Variants in KLC3 observed in about 807,000 individuals in gnomAD.
KLC3 encodes kinesin light chain 3, also known as kinesin light chain 2.
In KLC3, 72 loss-of-function variants were observed where a neutral mutation model predicts 62.9. The ratio of observed to expected loss-of-function variants is 1.15; its 90% confidence interval spans 0.95 to 1.39. The LOEUF (loss-of-function observed/expected upper bound fraction) is 1.39. Ranked by LOEUF, KLC3 falls within the 40% of genes most tolerant of loss-of-function variation. KLC3 has a pLI of 0.00. For synonymous variants in KLC3, 377 were observed against 300.5 expected, an observed-to-expected ratio of 1.25 and a Z score of -2.63; for missense variants, 848 against 691.6, an observed-to-expected ratio of 1.23 and a Z score of -2.54.
In KLC3 at chr19:45,345,311, C is replaced by T. The variant is rs140903562; in HGVS notation, c.-8-223C>T. 1.9e-3 allele frequency: 1,216 copies of T among 631,004 alleles called. 13 individuals are homozygous for T. The highest frequency in any genetic ancestry group is 9.2e-4 in the Non-Finnish European group (328 of 356,944). 39.1% of individuals were successfully genotyped at this position (631,004 alleles called of 1,614,324 possible). On this transcript the variant is annotated intron_variant, in intron 1 of 12. Coordinates refer to ENST00000391946, the MANE Select transcript of KLC3 (RefSeq NM_177417.3). ...CAGAACCCTGGGTTGGGAGGACAGA[C>T]GAAGGTAGACAAGACTGTTCCAGAT...
chr19:45,349,729 C>T, intron 8 of KLC3, 127 bp downstream of exon 8: 1 of 927,400 alleles, frequency 1.1e-6, no homozygotes, highest in Non-Finnish European at 1.6e-6. Flanking sequence ...GCCCTTGGAG[C>T]AAGTGTCAGA....
Position 45,350,328 on chromosome 19 carries a change from C to G in KLC3, c.1144-13C>G, listed in dbSNP as rs1386879760. The stretch of plus-strand genomic sequence containing the variant: ...GGGGTCCGAAAAGTTCCCAGACACT[C>G]CCTTCTCCGCAGGCCTCAGCCTACC... On this transcript the variant is annotated splice_polypyrimidine_tract_variant and intron_variant, in intron 8 of 12. Transcript: ENST00000391946. 8 of 1,611,768 alleles carry G rather than the reference C, an allele frequency of 5.0e-6. No individual in the cohort carries two copies. The highest frequency in any genetic ancestry group is 6.8e-6 in the Non-Finnish European group (8 of 1,179,092).
chr19:45,346,244 T>C (rs1971488033), intron 2 of KLC3, among the ~76,000 whole-genome samples: 1 of 151,862 alleles, frequency 6.6e-6, no homozygotes, highest in South Asian at 2.1e-4. Flanking sequence ...AAGGGGAGGC[T>C]CCAGGTCAGA....
intron 1 of KLC3, among the ~76,000 whole-genome samples, chr19:45,342,370 T>A (rs1429593095): frequency 2.6e-5 from 4 of 152,026 alleles, no homozygotes; most frequent in African/African-American, 7.3e-5. Context: ...GGGGATTGCT[T>A]GAACCCAGGA....
intron 1 of KLC3, among the ~76,000 whole-genome samples, 185 bp downstream of exon 1, chr19:45,341,031 C>T (rs1166301437): frequency 6.6e-6 from 1 of 151,944 alleles, no homozygotes; most frequent in African/African-American, 2.4e-5. Context: ...CACCCCAGCG[C>T]AGGTAAACAG....
At chr19:45,346,316 G>A (rs373990386) in intron 2 of KLC3, among the ~76,000 whole-genome samples, 3 of 152,136 alleles carry the variant, frequency 2.0e-5, no homozygotes, top group African/African-American at 4.8e-5. Context: ...TGAACCAGAT[G>A]GCATTCTTCA....
chr19:45,350,304 G>A (rs1346242977), intron 8 of KLC3, 37 bp from the exon 9 acceptor site: 1 of 1,543,838 alleles, frequency 6.5e-7, no homozygotes. Flanking sequence ...TTGGGAACTG[G>A]GGTCCGAAAA....
rs199949315 is a variant in KLC3, at chr19:45,348,073, G to A, written c.692G>A (p.Arg231His). 2.5e-4 allele frequency: 406 copies of A among 1,601,742 alleles called. No individual in the cohort carries two copies. Among genetic ancestry groups the A allele is most frequent in the Middle Eastern group, 1.7e-4 (1 of 5,782 alleles). Residue 231 changes from arginine (R) to histidine (H), a missense_variant, in exon 5 of 13, where the codon CGC becomes CAC. Physicochemically the swap from Arg to His is conservative, Grantham distance 29. Transcript: ENST00000391946. ...GRYEVAVPLC[R>H]QALEDLERSS... ...TATGAGGTGGCGGTGCCTCTGTGCC[G>A]CCAGGCCTTGGAGGACCTGGAGCGC...
intron 1 of KLC3, among the ~76,000 whole-genome samples, chr19:45,341,097 G>A (rs1971383543): frequency 6.6e-6 from 1 of 151,846 alleles, no homozygotes; most frequent in African/African-American, 2.4e-5. Flanking sequence ...GACTGCGGGT[G>A]AGCCTGGTGC....
At chr19:45,350,475 C>T (rs1568527274) in intron 9 of KLC3, 39 bp from the exon 10 acceptor site, 1 of 1,613,394 alleles carries the variant, frequency 6.2e-7, no homozygotes, top group Admixed American at 1.7e-5. Flanking sequence ...GGTGGCTTCT[C>T]TATGTCCCCA....
At position 45,351,439 on chromosome 19, in the gene KLC3, T is replaced by TC; in HGVS notation, c.*83dup. 2.5e-6 allele frequency: 4 copies of TC among 1,586,582 alleles called. No homozygotes were observed. The highest frequency in any genetic ancestry group is 1.7e-4 in the Middle Eastern group (1 of 5,952). On this transcript the variant is annotated 3_prime_UTR_variant, in exon 13 of 13. Coordinates refer to ENST00000391946, the MANE Select transcript of KLC3 (RefSeq NM_177417.3). ...TGGTGGGGTGAGAGGGGGTCTATCATCTCCTGGCCCCCCCTTGCCTCTGGG... is the reference window on the plus strand; with the variant it reads ...TGGTGGGGTGAGAGGGGGTCTATCATCCTCCTGGCCCCCCCTTGCCTCTGGG...
chr19:45,349,563 G>A lies in KLC3; in HGVS notation c.1104G>A (p.Gly368=), dbSNP rs999003399. 1.2e-6 allele frequency: 2 copies of A among 1,613,744 alleles called. No homozygotes were observed. The highest frequency in any genetic ancestry group is 1.7e-5 in the Admixed American group (1 of 59,982). Residue 368 remains glycine (G), a synonymous_variant, in exon 8 of 13, where the codon GGG becomes GGA. Transcript: ENST00000391946. ...TGAGCATCTATGAGGCACTGGGCGG[G>A]CCCCATGACCCCAACGTGGCCAAGA... is the stretch of plus-strand genomic sequence containing the variant. ...RALSIYEALG[G]PHDPNVAKTK...
intron 7 of KLC3, 76 bp from the exon 8 acceptor site, chr19:45,349,353 A>C: frequency 6.9e-7 from 1 of 1,442,934 alleles, no homozygotes; most frequent in Non-Finnish European, 9.4e-7. Context: ...CCAACTCATG[A>C]CCACCATACA....
intron 8 of KLC3, chr19:45,350,011 CAG>C (rs1971643356): frequency 2.2e-6 from 1 of 445,936 alleles, no homozygotes. Flanking sequence ...CAGACAGGCT[CAG>C]AAACAGGAGG....
At position 45,350,557 on chromosome 19, in the gene KLC3, G is replaced by T. The variant is rs1179702916; in HGVS notation, c.1272+6G>T. 2 of 1,613,862 alleles carry T rather than the reference G, an allele frequency of 1.2e-6. No homozygotes were observed. Among genetic ancestry groups the T allele is most frequent in the East Asian group, 2.2e-5 (1 of 44,858 alleles). ...CAGCTGGTGACGCAGAACAGGTGAG[G>T]ATGGGCTGTGCTTCGGCTCCTGGGG... On this transcript the variant is annotated splice_donor_region_variant and intron_variant, in intron 10 of 12. Coordinates refer to ENST00000391946, the MANE Select transcript of KLC3 (RefSeq NM_177417.3).
At chr19:45,345,187 A>C in intron 1 of KLC3, 19 of 451,608 alleles carry the variant, frequency 4.2e-5, no homozygotes, top group Non-Finnish European at 4.3e-5. Context: ...GGGGTGGGGA[A>C]GGCTGGCCAG....
intron 10 of KLC3, 34 bp downstream of exon 10, chr19:45,350,585 G>A (rs756994856): frequency 1.2e-6 from 2 of 1,613,840 alleles, no homozygotes; most frequent in East Asian, 2.2e-5. Context: ...TCCTGGGGTG[G>A]GCGTGGGGAC....
At chr19:45,351,045 G>T (rs1189623081) in intron 12 of KLC3, 28 bp downstream of exon 12, 1 of 1,614,040 alleles carries the variant, frequency 6.2e-7, no homozygotes, top group East Asian at 2.2e-5. Flanking sequence ...GTCAAAAATA[G>T]AGGAGGCCAT....
intron 2 of KLC3, among the ~76,000 whole-genome samples, chr19:45,346,116 C>T (rs1046346383): frequency 2.6e-5 from 4 of 152,010 alleles, no homozygotes; most frequent in African/African-American, 4.8e-5. Flanking sequence ...GAGTGGAGAT[C>T]GTGCCATTCC....
Sources: allele counts gnomAD v4.1 joint callset (sites outside exome capture counted in the v4.1 genomes callset), GRCh38; gene constraint gnomAD v4.1.1; transcripts MANE v1.5; gene names NCBI Gene and HGNC (gene_info 2026-07-23, HGNC 2026-07-21).